TCERG1: variants seen among roughly 807,000 people sequenced by gnomAD.
The protein encoded by TCERG1 is TATA box binding protein (TBP)-associated factor, RNA polymerase II, S, 150kD.
TCERG1 carries 37 observed loss-of-function variants against 144.7 expected under a neutral mutation model. The ratio of observed to expected loss-of-function variants is 0.26; its 90% CI spans 0.20 to 0.34. TCERG1 has a LOEUF of 0.34. TCERG1 is among the 10% of genes least tolerant of loss of function. TCERG1 has a pLI of 1.00. For missense variants in TCERG1, 1,027 were observed against 1,380.7 expected (o/e 0.74, Z 4.06); for synonymous variants, 492 against 458.2 (o/e 1.07, Z -0.94).
At position 146,510,808 on chromosome 5, in the gene TCERG1, T is replaced by C. The variant is rs916585854; in HGVS notation, c.*166T>C. 9 of 571,684 alleles carry C rather than the reference T, an allele frequency of 1.6e-5. No individual in the cohort carries two copies. The highest frequency in any genetic ancestry group is 3.8e-5 in the African/African-American group (2 of 52,994). The allele number at this position is 571,684 out of a possible 1,614,324, so 35.4% of individuals were successfully genotyped here. ...GAACAGAACACTTTGGAAATATTTA[T>C]GCTTTTCTTTGTGTGGCATGACTGA... is the stretch of plus-strand genomic sequence containing the variant. On this transcript the variant is annotated 3_prime_UTR_variant, in exon 23 of 23. Coordinates refer to ENST00000679501, the MANE Select transcript of TCERG1 (RefSeq NM_001382548.1).
Position 146,479,848 on chromosome 5 carries a change from T to C in TCERG1, c.1763-7T>C. On this transcript the variant is annotated splice_polypyrimidine_tract_variant and splice_region_variant and intron_variant, in intron 10 of 22. Transcript: ENST00000679501. ...CTTTGTAACAATATTTGAAATGTTT[T>C]TGCCAGGGCACCCAACTCCGACAAT... is the stretch of plus-strand genomic sequence containing the variant. The C allele has an allele frequency of 6.2e-7, 1 of 1,613,412 alleles. No homozygotes were observed. The highest frequency in any genetic ancestry group is 1.7e-4 in the Middle Eastern group (1 of 6,060).
At chr5:146,465,947 G>T (rs1376713542) in intron 5 of TCERG1, among the ~76,000 whole-genome samples, 1 of 151,494 alleles carries the variant, frequency 6.6e-6, no homozygotes, top group Admixed American at 6.6e-5. Context: ...TTGAACCTGG[G>T]AGGTGGAGGT....
chr5:146,472,796 T>A (rs1764463606), intron 9 of TCERG1, among the ~76,000 whole-genome samples: 1 of 151,784 alleles, frequency 6.6e-6, no homozygotes, highest in South Asian at 2.1e-4. Context: ...TCACTGCAAC[T>A]TCCGCCTCCT....
chr5:146,496,063 G>T (rs1766866391), intron 16 of TCERG1, among the ~76,000 whole-genome samples: 1 of 152,216 alleles, frequency 6.6e-6, no homozygotes, highest in African/African-American at 2.4e-5. Flanking sequence ...TGAGGCAGAA[G>T]AATTGCTTGA....
intron 15 of TCERG1, among the ~76,000 whole-genome samples, chr5:146,484,685 T>A (rs1765665369): frequency 6.6e-6 from 1 of 152,232 alleles, no homozygotes; most frequent in African/African-American, 2.4e-5. Flanking sequence ...GTGAGTTTTT[T>A]ATTCTCATTT....
At chr5:146,471,031 A>G (rs1764245230) in intron 8 of TCERG1, among the ~76,000 whole-genome samples, 1 of 152,238 alleles carries the variant, frequency 6.6e-6, no homozygotes, top group South Asian at 2.1e-4. Flanking sequence ...TGTTAAAATT[A>G]TAAGTGTAAC....
At chr5:146,495,890 C>T (rs550758508) in intron 16 of TCERG1, among the ~76,000 whole-genome samples, 4 of 152,256 alleles carry the variant, frequency 2.6e-5, no homozygotes, top group African/African-American at 7.2e-5. Flanking sequence ...CGCAGTGGCT[C>T]GCGCCTGTAA....
rs1355912056 is a variant in TCERG1, at chr5:146,507,221, A to AT, written c.2961+19dup. On this transcript the variant is annotated intron_variant, in intron 20 of 22. Transcript: ENST00000679501. The surrounding 1 kb of genome is among the most constrained non-coding windows in gnomAD (Gnocchi z 4.6). ...GAAACTTCTGCAGTAAGAATCTCTT[A>AT]TTTTTCTCATTTTAATCTGGATGAA... 1 of 1,553,622 alleles carries AT rather than the reference A, an allele frequency of 6.4e-7. No homozygotes were observed. The highest frequency in any genetic ancestry group is 8.7e-7 in the Non-Finnish European group (1 of 1,154,874).
At position 146,503,718 on chromosome 5, in the gene TCERG1, G is replaced by A. The variant is rs1433755679; in HGVS notation, c.2599-106G>A. The A allele has an allele frequency of 5.0e-6, 7 of 1,412,414 alleles. No homozygotes were observed. The Admixed American group carries it at 1.5e-4, about 30-fold the overall frequency. 87.5% of individuals were successfully genotyped at this position (1,412,414 alleles called of 1,614,324 possible). On this transcript the variant is annotated intron_variant, in intron 18 of 22. Transcript: ENST00000679501. ...GGTACACAGTGTTTAGGTATATTCT[G>A]GGCAAAAACTAGATTTGGAATTTTT... is the stretch of plus-strand genomic sequence containing the variant.
Position 146,447,385 on chromosome 5 carries a change from A to G in TCERG1, c.36A>G (p.Glu12=), listed in dbSNP as rs754064954. 17 of 1,611,510 alleles carry G rather than the reference A, an allele frequency of 1.1e-5. No homozygotes were observed. The highest frequency in any genetic ancestry group is 1.3e-5 in the Non-Finnish European group (15 of 1,179,160). ...AERGGDGGES[E]RFNPGELRMA... is the part of the protein sequence containing the mutation. ...GTGGCGGGGACGGGGGCGAGAGTGA[A>G]CGATTCAACCCGGGGGAGCTCAGGT... Residue 12 remains glutamate, a synonymous_variant, in exon 1 of 23, where the codon GAA becomes GAG. Transcript: ENST00000679501.
In TCERG1 at chr5:146,469,413, G is replaced by A. The variant is rs1429768246; in HGVS notation, c.1199-131G>A. ...GTATTTTTATGTCACCTTTTTATAT[G>A]ATTTTTGTTTTGTTCCAACTGGTCC... On this transcript the variant is annotated intron_variant, in intron 6 of 22. Transcript: ENST00000679501. 12 of 687,744 alleles carry A rather than the reference G, an allele frequency of 1.7e-5. No homozygotes were observed. In the African/African-American group the frequency reaches 2.3e-4, roughly 13 times the overall value. 42.6% of individuals were successfully genotyped at this position (687,744 alleles called of 1,614,324 possible).
chr5:146,464,716 C>G (rs1017885903), intron 5 of TCERG1, among the ~76,000 whole-genome samples: 1 of 152,168 alleles, frequency 6.6e-6, no homozygotes, highest in Admixed American at 6.5e-5. Context: ...TAGTTTGTAG[C>G]AAAGATGAAT....
chr5:146,450,481 A>G (rs944908117), intron 1 of TCERG1, among the ~76,000 whole-genome samples: 2 of 152,244 alleles, frequency 1.3e-5, no homozygotes, highest in Non-Finnish European at 1.5e-5. Flanking sequence ...AACATTACTA[A>G]TATTAATATT....
intron 13 of TCERG1, chr5:146,482,382 A>G (rs1765437211): frequency 2.6e-6 from 1 of 388,004 alleles, no homozygotes; most frequent in Non-Finnish European, 4.6e-6. Flanking sequence ...TAATGTAGCC[A>G]TTGTAAATCA....
intron 15 of TCERG1, among the ~76,000 whole-genome samples, chr5:146,492,705 C>G (rs186062912): frequency 1.2e-4 from 18 of 152,050 alleles, no homozygotes; most frequent in South Asian, 2.1e-4. Flanking sequence ...TTGCTGTTTT[C>G]TTTTGTTCTT....
Position 146,503,544 on chromosome 5 carries a change from CTG to C in TCERG1, c.2598+7_2598+8del. 6.2e-7 allele frequency: 1 copy of C among 1,612,872 alleles called. No homozygotes were observed. Among genetic ancestry groups the C allele is most frequent in the Non-Finnish European group, 8.5e-7 (1 of 1,179,340 alleles). ...TACATTGAAAAAATAGCCAAGGTAA[CTG>C]TTGTGTTTACTTGTATTGCTTTCAT... On this transcript the variant is annotated splice_donor_region_variant and intron_variant, in intron 18 of 22. Coordinates refer to ENST00000679501, the MANE Select transcript of TCERG1 (RefSeq NM_001382548.1).
intron 5 of TCERG1, among the ~76,000 whole-genome samples, chr5:146,467,998 C>T (rs1011526511): frequency 1.3e-5 from 2 of 152,172 alleles, no homozygotes; most frequent in African/African-American, 4.8e-5. Context: ...GCAACAGCAG[C>T]ATGGGTTTGA....
chr5:146,511,115 A>G lies in TCERG1; in HGVS notation c.*473A>G, dbSNP rs1380373332. 6.5e-6 allele frequency: 1 copy of G among 152,746 alleles called. No homozygotes were observed. The highest frequency in any genetic ancestry group is 1.5e-5 in the Non-Finnish European group (1 of 68,116). 9.5% of individuals were successfully genotyped at this position (152,746 alleles called of 1,614,324 possible). On this transcript the variant is annotated 3_prime_UTR_variant, in exon 23 of 23. Transcript: ENST00000679501. ...GAATTCTTATCTTCCAGAGGCTACAATTATTATAATGGACAATACTTTTAC... is the reference window on the plus strand; with the variant it reads ...GAATTCTTATCTTCCAGAGGCTACAGTTATTATAATGGACAATACTTTTAC...
chr5:146,458,842 T>G (rs745992005), intron 3 of TCERG1, 42 bp from the exon 4 acceptor site: 1 of 1,558,340 alleles, frequency 6.4e-7, no homozygotes, highest in Non-Finnish European at 8.7e-7. Context: ...TAATAATAAC[T>G]GACAGATTTT....
Sources: gnomAD v4.1 joint callset for allele counts (sites outside exome capture counted in the v4.1 genomes callset) on GRCh38, gnomAD v4.1.1 for gene constraint, Gnocchi (gnomAD v3.1) non-coding constraint, MANE v1.5 for transcripts, NCBI Gene and HGNC (gene_info 2026-07-23, HGNC 2026-07-21) for gene names.